Variants in HIPK2 observed in about 807,000 individuals in gnomAD.
The protein encoded by HIPK2 is homeodomain interacting protein kinase 2, also known as homeodomain-interacting protein kinase 2.
Under a neutral mutation model 113.7 loss-of-function variants are expected in HIPK2, and 27 were observed. The ratio of observed to expected loss-of-function variants is 0.24; its 90% CI spans 0.17 to 0.33. HIPK2 has a LOEUF of 0.33. HIPK2 is among the 10% of genes least tolerant of loss of function. The probability of loss-of-function intolerance (pLI) is 1.00; values close to 1 mark genes in which losing one functional copy is unlikely to be tolerated. For synonymous variants in HIPK2, 631 were observed against 642.2 expected (o/e 0.98, Z 0.26); for missense variants, 1,257 against 1,588.0 (o/e 0.79, Z 3.54).
intron 2 of HIPK2, among the ~76,000 whole-genome samples, chr7:139,709,139 A>G (rs1296549617): frequency 6.6e-6 from 1 of 152,176 alleles, no homozygotes; most frequent in African/African-American, 2.4e-5. Context: ...TTCTCTTCAA[A>G]AGAGAAGCTG....
chr7:139,765,317 A>T (rs190526336), intron 1 of HIPK2, among the ~76,000 whole-genome samples: 39 of 152,286 alleles, frequency 2.6e-4, no homozygotes, highest in Admixed American at 1.2e-3. Flanking sequence ...AAATAACCTT[A>T]ACATTTGGGG....
At position 139,572,899 on chromosome 7, in the gene HIPK2, CCCT is replaced by C; in HGVS notation, c.*25_*27del. Reference sequence around the variant, plus strand: ...TCCTCCCTCGGGCCATTCTCTCCCTCCCTCCCTCCCTCCCTCCCCTCCAGTGTT... The same window carrying C: ...TCCTCCCTCGGGCCATTCTCTCCCTCCCCTCCCTCCCTCCCCTCCAGTGTT... On this transcript the variant is annotated 3_prime_UTR_variant, in exon 15 of 15. Transcript: ENST00000406875. The C allele has an allele frequency of 4.9e-6, 2 of 406,494 alleles. No individual in the cohort carries two copies. The highest frequency in any genetic ancestry group is 9.8e-6 in the Non-Finnish European group (2 of 204,322). The allele number at this position is 406,494 out of a possible 1,614,324, so 25.2% of individuals were successfully genotyped here.
chr7:139,763,009 T>C (rs1356987796), intron 1 of HIPK2, among the ~76,000 whole-genome samples: 1 of 151,790 alleles, frequency 6.6e-6, no homozygotes, highest in African/African-American at 2.4e-5. Flanking sequence ...GACCACAGAG[T>C]GAGCATGAAT....
rs1798075583 is a variant in HIPK2 at position 139,565,834 on chromosome 7, A to C, written c.*7093T>G. Reference sequence around the variant, plus strand: ...GGTTCTGCCCAGAGCTGAAGAGTGAATCTATTACAGAGATCAGAGCTGTCA... The same window carrying C: ...GGTTCTGCCCAGAGCTGAAGAGTGACTCTATTACAGAGATCAGAGCTGTCA... On this transcript the variant is annotated 3_prime_UTR_variant, in exon 15 of 15. Coordinates refer to ENST00000406875, the MANE Select transcript of HIPK2 (RefSeq NM_022740.5). 1 of 152,028 alleles carries C rather than the reference A, an allele frequency of 6.6e-6. No individual in the cohort carries two copies. The highest frequency in any genetic ancestry group is 2.1e-4 in the South Asian group (1 of 4,824). 9.4% of individuals were successfully genotyped at this position (152,028 alleles called of 1,614,324 possible).
In HIPK2 at chr7:139,631,479, T is replaced by C. The variant is rs182307937; in HGVS notation, c.1227+123A>G. ...ATAGCAAGGTTAAGGGAAGCAAGGT[T>C]TGGGAGACAACGTGACATTCCACAG... On this transcript the variant is annotated intron_variant, in intron 3 of 14. Coordinates refer to ENST00000406875, the MANE Select transcript of HIPK2 (RefSeq NM_022740.5). The surrounding 1 kb of genome is among the most constrained non-coding windows in gnomAD (Gnocchi z 4.9). 6 of 1,467,618 alleles carry C rather than the reference T, an allele frequency of 4.1e-6. No homozygotes were observed. In the East Asian group the frequency reaches 1.4e-4, roughly 35 times the overall value. The allele number at this position is 1,467,618 out of a possible 1,614,324, so 90.9% of individuals were successfully genotyped here. A position where few individuals can be genotyped will look rare whatever the true frequency, so the allele number is the denominator to read the frequency against.
intron 2 of HIPK2, among the ~76,000 whole-genome samples, chr7:139,668,387 C>T (rs1235484861): frequency 6.6e-6 from 1 of 151,874 alleles, no homozygotes; most frequent in Non-Finnish European, 1.5e-5. Flanking sequence ...TGGTGAAACC[C>T]CATCTCTACT....
chr7:139,743,430 G>A (rs777227502), intron 1 of HIPK2, among the ~76,000 whole-genome samples: 12 of 152,220 alleles, frequency 7.9e-5, no homozygotes, highest in Non-Finnish European at 1.8e-4. Flanking sequence ...ATCACTCTTG[G>A]AAAATCCGCT....
intron 6 of HIPK2, among the ~76,000 whole-genome samples, chr7:139,624,382 T>C (rs1800352724): frequency 6.6e-6 from 1 of 152,094 alleles, no homozygotes; most frequent in Non-Finnish European, 1.5e-5. Flanking sequence ...TGGACCTTCC[T>C]CTCCAAGCCA....
At chr7:139,715,222 G>A (rs377375885) in intron 2 of HIPK2, among the ~76,000 whole-genome samples, 4 of 152,292 alleles carry the variant, frequency 2.6e-5, no homozygotes, top group South Asian at 4.1e-4. Context: ...GCATGTGTGA[G>A]TCCATGACTG....
chr7:139,626,743 C>G lies in HIPK2; in HGVS notation c.1477G>C (p.Glu493Gln). 1 of 1,614,026 alleles carries G rather than the reference C, an allele frequency of 6.2e-7. No individual in the cohort carries two copies. The highest frequency in any genetic ancestry group is 8.5e-7 in the Non-Finnish European group (1 of 1,179,904). ...TDLEGSDMLV[E>Q]KADRREFIDL... ...ATGAACTCCCGCCGGTCAGCCTTTTCTACCAACATGTCGCTCCCTTCCAAA... is the reference window on the plus strand; with the variant it reads ...ATGAACTCCCGCCGGTCAGCCTTTTGTACCAACATGTCGCTCCCTTCCAAA... Residue 493 changes from glutamate (E) to glutamine (Q), a missense_variant, in exon 6 of 15, where the codon GAA becomes CAA. Physicochemically the swap from Glu to Gln is conservative, Grantham distance 29. This residue lies in a region of HIPK2 where 862 missense variants were observed against 1,004.3 expected (regional missense o/e 0.86). Transcript: ENST00000406875.
At position 139,589,480 on chromosome 7, in the gene HIPK2, T is replaced by C. The variant is rs1466595000; in HGVS notation, c.2718-5416A>G. On this transcript the variant is annotated intron_variant, in intron 12 of 14. Transcript: ENST00000406875. Reference sequence around the variant, plus strand: ...AACTGTAATCTGCCCTCGAGTAAAATTCAAATTGGGCATATTTGGAGCTCT... The same window carrying C: ...AACTGTAATCTGCCCTCGAGTAAAACTCAAATTGGGCATATTTGGAGCTCT... Among the ~76,000 whole-genome samples the C allele has an allele frequency of 2.6e-5, 4 of 151,734 alleles. No individual in the cohort carries two copies. The East Asian group carries it at 7.7e-4, about 29-fold the overall frequency.
In HIPK2 at chr7:139,639,443, G is replaced by T. The variant is rs113823474; in HGVS notation, c.1104-7718C>A. 3.7e-3 allele frequency among the ~76,000 whole-genome samples: 568 copies of T among 152,306 alleles called. 7 individuals carry two copies. The highest frequency in any genetic ancestry group is 0.013 in the African/African-American group (545 of 41,554). On this transcript the variant is annotated intron_variant, in intron 2 of 14. Transcript: ENST00000406875. ...GTGTTTCCTCTGTGCCAGGTACTGT[G>T]CTGGGTGCTAAAGATCAAAAAGTAA...
At chr7:139,608,252 C>CGTGTGTGT (rs55989071) in intron 9 of HIPK2, among the ~76,000 whole-genome samples, 2,328 of 136,938 alleles carry the variant, frequency 0.017, 47 homozygotes, top group East Asian at 0.041. Context: ...CAAAAAAATA[C>CGTGTGTGT]GTGTGTGTGT....
chr7:139,578,297 C>T (rs1317336737), intron 13 of HIPK2, among the ~76,000 whole-genome samples: 3 of 152,144 alleles, frequency 2.0e-5, no homozygotes, highest in African/African-American at 7.2e-5. Flanking sequence ...CATGAGCCAC[C>T]GCGCCCAGCT....
chr7:139,633,095 C>CAAAAAAAAAAAAAAAAAAAAAAA (rs942820284), intron 2 of HIPK2, among the ~76,000 whole-genome samples: 16 of 74,638 alleles, frequency 2.1e-4, no homozygotes, highest in African/African-American at 6.7e-4. Context: ...GACCCTGTCT[C>CAAAAAAAAAAAAAAAAAAAAAAA]AAAAAAAAAA....
chr7:139,653,984 C>T (rs576192595), intron 2 of HIPK2, among the ~76,000 whole-genome samples: 9 of 152,240 alleles, frequency 5.9e-5, no homozygotes, highest in South Asian at 2.1e-4. Context: ...CTGCCTGCCT[C>T]GGCCTCCCAA....
intron 13 of HIPK2, among the ~76,000 whole-genome samples, chr7:139,576,146 A>C (rs1306242845): frequency 6.6e-6 from 1 of 152,226 alleles, no homozygotes; most frequent in Non-Finnish European, 1.5e-5. Context: ...CCTCAGAGTC[A>C]CCTGGTCCAG....
At chr7:139,590,555 T>A (rs185596469) in intron 12 of HIPK2, among the ~76,000 whole-genome samples, 1 of 152,352 alleles carries the variant, frequency 6.6e-6, no homozygotes. Flanking sequence ...GATTTCATAG[T>A]CAATGCTATG....
intron 2 of HIPK2, among the ~76,000 whole-genome samples, chr7:139,712,409 A>G (rs1795099185): frequency 6.6e-6 from 1 of 152,252 alleles, no homozygotes; most frequent in Non-Finnish European, 1.5e-5. Flanking sequence ...GTCCCATGCA[A>G]AATGACAGAG....
Sources: allele counts gnomAD v4.1 joint callset (sites outside exome capture counted in the v4.1 genomes callset), GRCh38; gene constraint gnomAD v4.1.1; regional missense constraint gnomAD v4.1.1; non-coding constraint Gnocchi (gnomAD v3.1); transcripts MANE v1.5; gene names NCBI Gene and HGNC (gene_info 2026-07-23, HGNC 2026-07-21).